The following PDE1C variants were observed in gnomAD, a reference collection of about 807,000 sequenced individuals.
PDE1C encodes the protein dual specificity calcium/calmodulin-dependent 3',5'-cyclic nucleotide phosphodiesterase 1C.
PDE1C carries 62 observed loss-of-function variants against 93.1 expected under a neutral mutation model. The observed-to-expected ratio is 0.67, with a 90% CI of 0.54 to 0.82. PDE1C has a LOEUF of 0.82. Ranked by LOEUF, PDE1C falls within the 40% of genes least tolerant of loss-of-function variation. The pLI is 0.00. For missense variants in PDE1C, 742 were observed against 884.6 expected (o/e 0.84, Z 2.04); for synonymous variants, 325 against 310.1 (o/e 1.05, Z -0.50).
intron 1 of PDE1C, among the ~76,000 whole-genome samples, chr7:32,225,387 C>A: frequency 6.6e-6 from 1 of 152,138 alleles, no homozygotes; most frequent in African/African-American, 2.4e-5. Flanking sequence ...CACATACACA[C>A]ACACTCACAG....
the PDE1C span, among the ~76,000 whole-genome samples, chr7:31,667,283 A>G: frequency 0.02 from 3,048 of 152,222 alleles, 112 homozygotes; most frequent in African/African-American, 0.069. Flanking sequence ...GGAGTCTTTA[A>G]CCCTAGCTTA....
intron 1 of PDE1C, among the ~76,000 whole-genome samples, chr7:32,354,092 G>A (rs1017886049): frequency 1.1e-4 from 17 of 152,264 alleles, no homozygotes; most frequent in South Asian, 4.1e-4. Flanking sequence ...CTCCCAAAGC[G>A]TGATTCTATG....
intron 3 of PDE1C, among the ~76,000 whole-genome samples, chr7:32,124,735 T>C (rs1393691962): frequency 2.6e-5 from 4 of 152,144 alleles, no homozygotes; most frequent in African/African-American, 9.7e-5. Flanking sequence ...CAAGATGGAC[T>C]AAAGACTTAA....
intron 16 of PDE1C, among the ~76,000 whole-genome samples, chr7:31,793,130 T>G (rs527561250): frequency 6.6e-6 from 1 of 152,058 alleles, no homozygotes; most frequent in Non-Finnish European, 1.5e-5. Flanking sequence ...GTGGCCTTAT[T>G]TATGGTACCA....
chr7:32,055,533 C>T (rs187701450), intron 1 of PDE1C, among the ~76,000 whole-genome samples: 1 of 152,134 alleles, frequency 6.6e-6, no homozygotes, highest in African/African-American at 2.4e-5. Flanking sequence ...GCAAAAGATT[C>T]CACCAAGAAA....
At chr7:32,390,786 G>A (rs1330708959) in intron 1 of PDE1C, among the ~76,000 whole-genome samples, 3 of 152,070 alleles carry the variant, frequency 2.0e-5, no homozygotes, top group Non-Finnish European at 4.4e-5. Flanking sequence ...CTGGGAGGTC[G>A]AGACTGTAGT....
chr7:32,297,817 A>AT (rs1391254321), intron 1 of PDE1C, among the ~76,000 whole-genome samples: 1 of 151,708 alleles, frequency 6.6e-6, no homozygotes, highest in Admixed American at 6.6e-5. Context: ...ATGACATATG[A>AT]TCCCCCCTCC....
rs187333611 is a variant in PDE1C at position 32,266,260 on chromosome 7, C to T, written c.85+32391G>A. On this transcript the variant is annotated intron_variant, in intron 1 of 18. Transcript: ENST00000396193. ...TCGCGCCACTGCACTCCAGCCTGGGCGACAGAGCAAGACTCCGTCTCAAAA... is the reference window on the plus strand; with the variant it reads ...TCGCGCCACTGCACTCCAGCCTGGGTGACAGAGCAAGACTCCGTCTCAAAA... Among the ~76,000 whole-genome samples the T allele has an allele frequency of 2.7e-3, 393 of 148,004 alleles. 3 individuals carry two copies. The highest frequency in any genetic ancestry group is 8.2e-3 in the African/African-American group (326 of 39,962).
the PDE1C span, among the ~76,000 whole-genome samples, chr7:31,738,201 C>T: frequency 6.6e-6 from 1 of 152,086 alleles, no homozygotes; most frequent in African/African-American, 2.4e-5. Context: ...ATACATGAGC[C>T]CAATCTCAAT....
chr7:31,727,043 G>GA, the PDE1C span, among the ~76,000 whole-genome samples: 23 of 148,188 alleles, frequency 1.6e-4, no homozygotes, highest in African/African-American at 3.2e-4. Context: ...TCTCAAAAAA[G>GA]AAAAAAAAAA....
exon 1 of PDE1C, chr7:32,298,905 G>T: frequency 3.7e-6 from 5 of 1,363,602 alleles, no homozygotes; most frequent in Non-Finnish European, 3.7e-6. Flanking sequence ...AGACAACAGC[G>T]GGGACCCAAT....
At chr7:31,838,523 A>G (rs996181218) in intron 9 of PDE1C, among the ~76,000 whole-genome samples, 1 of 152,198 alleles carries the variant, frequency 6.6e-6, no homozygotes, top group South Asian at 2.1e-4. Context: ...ATATTGATAC[A>G]TTATGTTAAC....
At chr7:32,340,079 C>T (rs1016686912) in intron 1 of PDE1C, among the ~76,000 whole-genome samples, 1 of 151,910 alleles carries the variant, frequency 6.6e-6, no homozygotes, top group Admixed American at 6.6e-5. Flanking sequence ...AGAAGAGGGT[C>T]CTGGCAGTGA....
chr7:32,185,717 A>C (rs1471612246), intron 2 of PDE1C, among the ~76,000 whole-genome samples: 2 of 152,084 alleles, frequency 1.3e-5, no homozygotes, highest in Admixed American at 6.6e-5. Context: ...TACTTTCTAG[A>C]GCTCTTCTTT....
intron 1 of PDE1C, among the ~76,000 whole-genome samples, chr7:32,331,394 G>C (rs968160205): frequency 6.6e-6 from 1 of 152,176 alleles, no homozygotes; most frequent in African/African-American, 2.4e-5. Flanking sequence ...GGGGAAGACA[G>C]ACATGCAAAA....
chr7:32,218,031 AC>A (rs1473740424), intron 1 of PDE1C, among the ~76,000 whole-genome samples: 1 of 152,112 alleles, frequency 6.6e-6, no homozygotes. Context: ...ACCTCGTGCT[AC>A]CCATCACATT....
At chr7:31,643,709 C>T in the PDE1C span, 4 of 1,613,950 alleles carry the variant, frequency 2.5e-6, no homozygotes, top group Non-Finnish European at 3.4e-6. Flanking sequence ...CAGCCCCTCA[C>T]CAAATCCGTC....
intron 1 of PDE1C, among the ~76,000 whole-genome samples, chr7:32,399,603 G>C (rs1181112445): frequency 1.0e-5 from 1 of 95,282 alleles, no homozygotes; most frequent in South Asian, 2.9e-4. Flanking sequence ...TTTTTTTTGA[G>C]ACAGAGTCTT....
intron 2 of PDE1C, among the ~76,000 whole-genome samples, chr7:32,050,209 C>G (rs1429624472): frequency 6.6e-6 from 1 of 152,048 alleles, no homozygotes; most frequent in African/African-American, 2.4e-5. Context: ...TCAAGAAAAG[C>G]CTCCTAACAT....
Sources: allele counts gnomAD v4.1 joint callset (sites outside exome capture counted in the v4.1 genomes callset), GRCh38; gene constraint gnomAD v4.1.1; transcripts MANE v1.5; gene names NCBI Gene and HGNC (gene_info 2026-07-23, HGNC 2026-07-21).